Variants in DCST2 observed in about 807,000 individuals in gnomAD.
DCST2 encodes the protein DC-STAMP domain containing 2.
DCST2 carries 64 observed loss-of-function variants against 81.8 expected under a neutral mutation model. That is an observed-to-expected ratio of 0.78 (90% CI 0.64 to 0.96). The LOEUF (loss-of-function observed/expected upper bound fraction) is 0.96. DCST2 is among the 40% of genes least tolerant of loss of function. The probability of loss-of-function intolerance (pLI) is 0.00; values close to 1 mark genes in which losing one functional copy is unlikely to be tolerated. For synonymous variants in DCST2, 354 were observed against 402.6 expected, an observed-to-expected ratio of 0.88 and a Z score of 1.44; for missense variants, 945 against 1,001.4, an observed-to-expected ratio of 0.94 and a Z score of 0.76.
chr1:155,033,687 C>T lies in DCST2; in HGVS notation c.15G>A (p.Met5Ile). 1.2e-6 allele frequency: 2 copies of T among 1,613,626 alleles called. No homozygotes were observed. The highest frequency in any genetic ancestry group is 1.7e-6 in the Non-Finnish European group (2 of 1,179,662). MPKV[M>I]KDVVHPLGGE... Reference sequence around the variant, plus strand: ...CCCCCAAGGGGTGCACAACATCCTTCATGACTTTGGGCATGGCTGCTGAGA... The same window carrying T: ...CCCCCAAGGGGTGCACAACATCCTTTATGACTTTGGGCATGGCTGCTGAGA... Residue 5 changes from methionine to isoleucine, a missense_variant, in exon 1 of 15, where the codon ATG (methionine) becomes ATA (isoleucine). Transcript: ENST00000368424.
chr1:155,029,648 G>A (rs562281638), intron 7 of DCST2, among the ~76,000 whole-genome samples: 2 of 152,208 alleles, frequency 1.3e-5, no homozygotes, highest in East Asian at 3.9e-4. Flanking sequence ...CCAGTCTAAG[G>A]AGCCCTCCCT....
At chr1:155,025,688 T>G (rs1659884240) in intron 10 of DCST2, among the ~76,000 whole-genome samples, 1 of 150,634 alleles carries the variant, frequency 6.6e-6, no homozygotes, top group South Asian at 2.1e-4. Flanking sequence ...CACCACCATG[T>G]TTTTTTGTTT....
At chr1:155,029,089 G>C in intron 8 of DCST2, 144 bp downstream of exon 8, 1 of 969,600 alleles carries the variant, frequency 1.0e-6, no homozygotes, top group Non-Finnish European at 1.5e-6. Flanking sequence ...GGGCTGCTGA[G>C]TAACAGTGAC....
chr1:155,031,492 G>C (rs1334924727), intron 4 of DCST2, 82 bp downstream of exon 4: 1 of 1,436,416 alleles, frequency 7.0e-7, no homozygotes. Flanking sequence ...TCCTGAGCCT[G>C]CCCTCCCAAC....
rs1329857755 is a variant in DCST2, at chr1:155,030,431, C to T, written c.1019+1G>A. 6.2e-7 allele frequency: 1 copy of T among 1,613,300 alleles called. No homozygotes were observed. The highest frequency in any genetic ancestry group is 1.3e-5 in the African/African-American group (1 of 74,990). On this transcript the variant is annotated splice_donor_variant, in intron 6 of 14. Transcript: ENST00000368424. LOFTEE classifies it high-confidence loss of function. Reference sequence around the variant, plus strand: ...CCCCACGCTGCCCGGCAGCCCCTCACTGGAGGTAGAGAAGCACAAGCAGCA... The same window carrying T: ...CCCCACGCTGCCCGGCAGCCCCTCATTGGAGGTAGAGAAGCACAAGCAGCA...
rs777757292 is a variant in DCST2 at position 155,026,397 on chromosome 1, T to C, written c.1516A>G (p.Met506Val). 3 of 1,613,712 alleles carry C rather than the reference T, an allele frequency of 1.9e-6. No individual in the cohort carries two copies. Among genetic ancestry groups the C allele is most frequent in the Admixed American group, 1.7e-5 (1 of 60,022 alleles). ...GTGATGAAGAAGCATAGGCCATACA[T>C]GACGCCTGGGAGCACAGCAGCCACA... ...DSTGYIVIGV[M>V]YGLCFFITLF... is the part of the protein sequence containing the mutation. Residue 506 changes from methionine to valine, a missense_variant, in exon 10 of 15, where the codon ATG becomes GTG. Met to Val is a conservative substitution (Grantham distance 21). Coordinates refer to ENST00000368424, the MANE Select transcript of DCST2 (RefSeq NM_144622.3).
chr1:155,028,924 G>A (rs1399791099), intron 8 of DCST2, among the ~76,000 whole-genome samples: 1 of 151,438 alleles, frequency 6.6e-6, no homozygotes, highest in Non-Finnish European at 1.5e-5. Flanking sequence ...GCAACTTGCT[G>A]AAGGTCACCG....
At position 155,018,812 on chromosome 1, in the gene DCST2, G is replaced by C. The variant is rs536935850; in HGVS notation, c.2106-52C>G. 3.9e-6 allele frequency: 6 copies of C among 1,551,050 alleles called. No homozygotes were observed. The South Asian group carries it at 6.9e-5, about 18-fold the overall frequency. On this transcript the variant is annotated intron_variant, in intron 14 of 14. Transcript: ENST00000368424. ...GGATCACCCACCTTCTGTCTTCACAGGTGCATCCCTGCCCCCTGCCCTGCC... is the reference window on the plus strand; with the variant it reads ...GGATCACCCACCTTCTGTCTTCACACGTGCATCCCTGCCCCCTGCCCTGCC...
At chr1:155,031,327 G>A (rs1455410007) in intron 4 of DCST2, 93 bp from the exon 5 acceptor site, 14 of 1,337,158 alleles carry the variant, frequency 1.0e-5, no homozygotes, top group South Asian at 2.9e-5. Context: ...GCCTCTTTTC[G>A]ATTTTCCTAT....
chr1:155,023,909 T>G lies in DCST2; in HGVS notation c.1793A>C (p.Tyr598Ser), dbSNP rs116667331. The change falls in exon 12 of 15, where the codon TAC (tyrosine) becomes TCC (serine). Residue 598 changes from tyrosine (Y) to serine (S), a missense_variant. Transcript: ENST00000368424. ...CTGGGGCTGCCCACAGCCCAGGCAG[T>G]AGGCCTGATGCAGCCAAAAGTGGCT... ...FVSHFWLHQA[Y>S]CLGCGQPQDE... 3.7e-3 allele frequency: 5,942 copies of G among 1,613,662 alleles called. 13 individuals are homozygous for G. Among genetic ancestry groups the G allele is most frequent in the Non-Finnish European group, 4.4e-3 (5,143 of 1,179,896 alleles).
intron 6 of DCST2, 47 bp downstream of exon 6, chr1:155,030,385 C>A (rs527291216): frequency 1.2e-6 from 2 of 1,603,916 alleles, no homozygotes; most frequent in South Asian, 2.2e-5. Context: ...AGCCCTGGCC[C>A]TGCACCCCCG....
Position 155,030,202 on chromosome 1 carries a change from A to C in DCST2, c.1059T>G (p.His353Gln). Reference protein sequence around the residue: ...FYRYCYLNWDHYDNIYITSRF... With the variant: ...FYRYCYLNWDQYDNIYITSRF... ...GGCTAGTGATGTAGATATTGTCATA[A>C]TGGTCCCAGTTCAGGTAACAATACC... The change falls in exon 7 of 15, where the codon CAT (histidine) becomes CAG (glutamine). Residue 353 changes from histidine (H) to glutamine (Q), a missense_variant. Coordinates refer to ENST00000368424, the MANE Select transcript of DCST2 (RefSeq NM_144622.3). 6.2e-7 allele frequency: 1 copy of C among 1,614,148 alleles called. No individual in the cohort carries two copies. Among genetic ancestry groups the C allele is most frequent in the African/African-American group, 1.3e-5 (1 of 75,034 alleles).
intron 14 of DCST2, among the ~76,000 whole-genome samples, chr1:155,020,734 G>A (rs1301902840): frequency 1.3e-5 from 2 of 151,804 alleles, no homozygotes; most frequent in East Asian, 1.9e-4. Context: ...TCTTCCCGAT[G>A]CCATGAAAAA....
intron 8 of DCST2, among the ~76,000 whole-genome samples, chr1:155,027,974 G>C (rs1659960055): frequency 1.3e-5 from 2 of 151,534 alleles, no homozygotes; most frequent in African/African-American, 4.9e-5. Flanking sequence ...GCCCAGGCTG[G>C]AGTGCAGTGG....
At chr1:155,028,318 C>T (rs1659969858) in intron 8 of DCST2, among the ~76,000 whole-genome samples, 1 of 152,166 alleles carries the variant, frequency 6.6e-6, no homozygotes, top group Non-Finnish European at 1.5e-5. Context: ...TGGGCCAGGA[C>T]AGTGGCTCAC....
chr1:155,032,431 G>A (rs1299995574), intron 3 of DCST2, among the ~76,000 whole-genome samples: 1 of 152,052 alleles, frequency 6.6e-6, no homozygotes, highest in Admixed American at 6.6e-5. Flanking sequence ...CTCCCCAGTA[G>A]CTGGGACTAC....
At chr1:155,031,847 A>G in intron 3 of DCST2, 76 bp from the exon 4 acceptor site, 1 of 1,458,388 alleles carries the variant, frequency 6.9e-7, no homozygotes, top group Non-Finnish European at 9.4e-7. Flanking sequence ...GAACAATACC[A>G]CAGTATCCAG....
At chr1:155,026,514 C>T in intron 9 of DCST2, 34 bp downstream of exon 9, 3 of 1,613,096 alleles carry the variant, frequency 1.9e-6, no homozygotes, top group Non-Finnish European at 2.5e-6. Flanking sequence ...ACATGGTGTC[C>T]ACGCCCCCAG....
chr1:155,030,003 G>A, intron 7 of DCST2, 81 bp downstream of exon 7: 1 of 1,577,702 alleles, frequency 6.3e-7, no homozygotes, highest in Non-Finnish European at 8.6e-7. Context: ...TGCCTGTGCA[G>A]GGGCTTAGGG....
Sources: allele counts gnomAD v4.1 joint callset (sites outside exome capture counted in the v4.1 genomes callset), GRCh38; gene constraint gnomAD v4.1.1; transcripts MANE v1.5; gene names NCBI Gene and HGNC (gene_info 2026-07-23, HGNC 2026-07-21).